The following OPCML variants were observed in gnomAD, a reference collection of about 807,000 sequenced individuals.
The protein encoded by OPCML is opioid binding protein/cell adhesion molecule like, also known as opioid-binding protein/cell adhesion molecule.
A neutral mutation model predicts 37.8 loss-of-function variants in OPCML; 13 were observed. That is an observed-to-expected ratio of 0.34 (90% CI 0.22 to 0.55). The LOEUF (loss-of-function observed/expected upper bound fraction) is 0.55. OPCML is among the 20% of genes least tolerant of loss of function. The pLI, the probability that OPCML is intolerant of heterozygous loss-of-function variation, is 0.91. For synonymous variants in OPCML, 176 were observed against 168.8 expected (o/e 1.04, Z -0.33); for missense variants, 341 against 435.6 (o/e 0.78, Z 1.93).
intron 2 of OPCML, among the ~76,000 whole-genome samples, chr11:132,823,305 G>A (rs1414498126): frequency 1.3e-5 from 2 of 151,930 alleles, no homozygotes; most frequent in Non-Finnish European, 2.9e-5. Context: ...ACATGCCTTC[G>A]CATGGGGGAC....
At chr11:132,532,111 A>C (rs1443285601) in intron 3 of OPCML, among the ~76,000 whole-genome samples, 1 of 152,172 alleles carries the variant, frequency 6.6e-6, no homozygotes, top group East Asian at 1.9e-4. Flanking sequence ...GGATTAAGAG[A>C]TATGTAAAAT....
At chr11:133,112,541 C>T (rs925476386) in intron 1 of OPCML, among the ~76,000 whole-genome samples, 1 of 152,090 alleles carries the variant, frequency 6.6e-6, no homozygotes, top group Non-Finnish European at 1.5e-5. Context: ...CAAAATGAGG[C>T]ATCTTTCAGA....
chr11:132,522,779 G>T (rs2096297126), intron 4 of OPCML, among the ~76,000 whole-genome samples: 1 of 152,168 alleles, frequency 6.6e-6, no homozygotes, highest in Admixed American at 6.5e-5. Context: ...CTGCCAATGG[G>T]CTAACACCAC....
intron 1 of OPCML, among the ~76,000 whole-genome samples, chr11:133,263,911 G>T (rs1941569296): frequency 6.6e-6 from 1 of 152,194 alleles, no homozygotes. Flanking sequence ...TCCAGGCTCA[G>T]TTTGGGACCC....
intron 1 of OPCML, among the ~76,000 whole-genome samples, chr11:133,233,414 C>T (rs1940370485): frequency 6.6e-6 from 1 of 152,150 alleles, no homozygotes; most frequent in African/African-American, 2.4e-5. Context: ...CTCCCTGTAC[C>T]AGGAAGAGGA....
At chr11:133,330,677 G>C (rs1943597882) in intron 1 of OPCML, among the ~76,000 whole-genome samples, 1 of 144,154 alleles carries the variant, frequency 6.9e-6, no homozygotes, top group South Asian at 2.4e-4. Context: ...CACACACCAG[G>C]GACTGTTGTG....
rs558460374 is a variant in OPCML at position 133,527,528 on chromosome 11, A to G, written c.61+4736T>C. On this transcript the variant is annotated intron_variant, in intron 1 of 7. Coordinates refer to ENST00000524381, the MANE Select transcript of OPCML (RefSeq NM_001012393.5). ...ATCACTGTGACAAAGACATACATAT[A>G]TGGTCAGTATGATTCTACCTTATCT... Among the ~76,000 whole-genome samples, 43 of 152,338 alleles carry G rather than the reference A, an allele frequency of 2.8e-4. 1 individual carries two copies. Among genetic ancestry groups the G allele is most frequent in the African/African-American group, 1.0e-3 (42 of 41,574 alleles).
intron 1 of OPCML, among the ~76,000 whole-genome samples, chr11:133,144,563 C>T (rs1297126538): frequency 6.6e-6 from 1 of 152,226 alleles, no homozygotes; most frequent in Non-Finnish European, 1.5e-5. Context: ...GCTTTCGGCA[C>T]ATGGGAAGCA....
chr11:133,004,437 A>G, intron 1 of OPCML: 3 of 985,464 alleles, frequency 3.0e-6, no homozygotes, highest in Non-Finnish European at 3.6e-6. Context: ...AGTCCCAGCA[A>G]GGCAGCATGT....
At chr11:133,058,616 T>C (rs1320248545) in intron 1 of OPCML, among the ~76,000 whole-genome samples, 1 of 152,170 alleles carries the variant, frequency 6.6e-6, no homozygotes, top group Non-Finnish European at 1.5e-5. Flanking sequence ...AGGGCAGCTC[T>C]GGAGGGACCA....
chr11:132,441,158 C>CTTTTTTTT lies in OPCML; in HGVS notation c.506-3800_506-3799insAAAAAAAA, dbSNP rs749099654. Among the ~76,000 whole-genome samples, 16 of 108,048 alleles carry CTTTTTTTT rather than the reference C, an allele frequency of 1.5e-4. 1 individual carries two copies. Among genetic ancestry groups the CTTTTTTTT allele is most frequent in the African/African-American group, 4.8e-4 (11 of 22,728 alleles). 70.9% of individuals were successfully genotyped at this position (108,048 alleles called of 152,430 possible). On this transcript the variant is annotated intron_variant, in intron 4 of 7. Coordinates refer to ENST00000524381, the MANE Select transcript of OPCML (RefSeq NM_001012393.5). ...ATTCTGAAGATGTGTTCACCAAGGA[C>CTTTTTTTT]TTTTTTGTTTTTTTTTTTTTTTTTT... is the stretch of plus-strand genomic sequence containing the variant.
At chr11:133,016,710 TTAA>T (rs1947342028) in intron 1 of OPCML, among the ~76,000 whole-genome samples, 1 of 152,148 alleles carries the variant, frequency 6.6e-6, no homozygotes, top group South Asian at 2.1e-4. Context: ...TGTACCACAG[TTAA>T]TAAAAAGGAG....
At chr11:133,351,786 C>T (rs139896447) in intron 1 of OPCML, among the ~76,000 whole-genome samples, 18 of 152,244 alleles carry the variant, frequency 1.2e-4, no homozygotes, top group African/African-American at 4.3e-4. Flanking sequence ...CACACACGTA[C>T]ACATGAATGG....
At chr11:132,961,399 T>C (rs11223297) in intron 1 of OPCML, among the ~76,000 whole-genome samples, 12,214 of 152,184 alleles carry the variant, frequency 0.08, 603 homozygotes, top group South Asian at 0.11. Flanking sequence ...GTATAGAGTG[T>C]CTGACATGGC....
At chr11:132,533,015 T>A (rs992021591) in intron 3 of OPCML, among the ~76,000 whole-genome samples, 1 of 152,150 alleles carries the variant, frequency 6.6e-6, no homozygotes, top group African/African-American at 2.4e-5. Context: ...CTGTAGCAAA[T>A]GAATCTATAC....
intron 1 of OPCML, among the ~76,000 whole-genome samples, chr11:133,335,045 T>C (rs535779944): frequency 6.6e-6 from 1 of 152,342 alleles, no homozygotes; most frequent in East Asian, 1.9e-4. Context: ...CTGGCTACTT[T>C]GCCGGGGGCT....
intron 4 of OPCML, among the ~76,000 whole-genome samples, chr11:132,456,170 G>A (rs1236576786): frequency 2.6e-5 from 4 of 152,244 alleles, no homozygotes; most frequent in South Asian, 2.1e-4. Context: ...GAAACCTTTG[G>A]CATTTTATGA....
intron 1 of OPCML, among the ~76,000 whole-genome samples, chr11:132,960,554 C>T (rs952900778): frequency 1.3e-5 from 2 of 152,156 alleles, no homozygotes; most frequent in African/African-American, 2.4e-5. Context: ...CGAAATAAAG[C>T]TGCCTCTTCT....
At chr11:132,718,185 T>C (rs980188494) in intron 2 of OPCML, among the ~76,000 whole-genome samples, 5 of 152,160 alleles carry the variant, frequency 3.3e-5, no homozygotes, top group Admixed American at 2.0e-4. Context: ...TGGGTCTTGG[T>C]GCGCTGTCTC....
Sources: allele counts gnomAD v4.1 joint callset (sites outside exome capture counted in the v4.1 genomes callset), GRCh38; gene constraint gnomAD v4.1.1; transcripts MANE v1.5; gene names NCBI Gene and HGNC (gene_info 2026-07-23, HGNC 2026-07-21).